GABRA2: variants seen among roughly 807,000 people sequenced by gnomAD.
GABRA2 encodes gamma-aminobutyric acid receptor subunit alpha-2.
A neutral mutation model predicts 48.7 loss-of-function variants in GABRA2; 16 were observed. The observed-to-expected ratio is 0.33, with a 90% CI of 0.22 to 0.50. GABRA2 has a LOEUF of 0.50. GABRA2 is among the 20% of genes least tolerant of loss of function. The probability of loss-of-function intolerance (pLI) is 0.98; values close to 1 mark genes in which losing one functional copy is unlikely to be tolerated. For synonymous variants in GABRA2, 185 were observed against 184.5 expected (o/e 1.00, Z -0.02); for missense variants, 275 against 535.6 (o/e 0.51, Z 4.80).
At chr4:46,318,127 T>G (rs905889686) in intron 4 of GABRA2, among the ~76,000 whole-genome samples, 3 of 151,284 alleles carry the variant, frequency 2.0e-5, no homozygotes, top group Non-Finnish European at 4.4e-5. Context: ...ACATAATCTA[T>G]TTAAGAAAAA....
At position 46,389,727 on chromosome 4, in the gene GABRA2, G is replaced by A; in HGVS notation, c.-11+8C>T. On this transcript the variant is annotated splice_region_variant and intron_variant, in intron 1 of 9. Transcript: ENST00000381620. The stretch of plus-strand genomic sequence containing the variant: ...TGTCTCTATCGGGACCAACGTGTGC[G>A]ACCCTACCTGAAACGGCAAGCAGAA... 1.0e-6 allele frequency: 1 copy of A among 982,598 alleles called. No individual in the cohort carries two copies. Among genetic ancestry groups the A allele is most frequent in the Non-Finnish European group, 1.2e-6 (1 of 829,426 alleles). The allele number at this position is 982,598 out of a possible 1,614,324, so 60.9% of individuals were successfully genotyped here.
chr4:46,316,575 T>G (rs1728591174), intron 4 of GABRA2, among the ~76,000 whole-genome samples: 1 of 152,022 alleles, frequency 6.6e-6, no homozygotes, highest in Non-Finnish European at 1.5e-5. Context: ...ATTGAAATCC[T>G]AAGTGGTGTG....
chr4:46,264,719 T>C (rs980392934), intron 8 of GABRA2, among the ~76,000 whole-genome samples: 9 of 151,978 alleles, frequency 5.9e-5, no homozygotes, highest in African/African-American at 2.2e-4. Context: ...CAGGAAATGT[T>C]TCCTTCTCAT....
chr4:46,312,296 C>A (rs1298754266), intron 5 of GABRA2, among the ~76,000 whole-genome samples, 200 bp downstream of exon 5: 2 of 151,994 alleles, frequency 1.3e-5, no homozygotes, highest in Non-Finnish European at 2.9e-5. Context: ...ATTTAAAGAA[C>A]TAAGATGAGA....
In GABRA2 at chr4:46,354,810, C is replaced by T. The variant is rs368913959; in HGVS notation, c.188-22128G>A. Among the ~76,000 whole-genome samples, 1,047 of 152,114 alleles carry T rather than the reference C, an allele frequency of 6.9e-3. 15 individuals carry two copies. The highest frequency in any genetic ancestry group is 0.024 in the African/African-American group (1,016 of 41,492). ...TTCATGAAGCAAGGAAATCCTTTAA[C>T]TTCCCTCACTTGTGGTGCCAGCGTA... is the stretch of plus-strand genomic sequence containing the variant. On this transcript the variant is annotated intron_variant, in intron 3 of 9. Coordinates refer to ENST00000381620, the MANE Select transcript of GABRA2 (RefSeq NM_000807.4).
At chr4:46,349,108 T>C (rs545170815) in intron 3 of GABRA2, among the ~76,000 whole-genome samples, 1 of 151,994 alleles carries the variant, frequency 6.6e-6, no homozygotes, top group Non-Finnish European at 1.5e-5. Flanking sequence ...TTAGTTAATG[T>C]ACATTTTTGA....
chr4:46,337,129 C>A (rs1199560005), intron 3 of GABRA2, among the ~76,000 whole-genome samples: 1 of 151,736 alleles, frequency 6.6e-6, no homozygotes, highest in Non-Finnish European at 1.5e-5. Flanking sequence ...TGTGAAAGAC[C>A]CACAACATAA....
Position 46,389,809 on chromosome 4 carries a change from GA to G in GABRA2, c.-86del, listed in dbSNP as rs1717993724. The G allele has an allele frequency of 1.7e-5, 7 of 419,006 alleles. No homozygotes were observed. Among genetic ancestry groups the G allele is most frequent in the Non-Finnish European group, 1.9e-5 (7 of 367,840 alleles). 26.0% of individuals were successfully genotyped at this position (419,006 alleles called of 1,614,324 possible). A position where few individuals can be genotyped will look rare whatever the true frequency, so the allele number is the denominator to read the frequency against. ...GACGAGATAGGAAACTTGGGAGAGA[GA>G]GAGAGAGAGAGAGAGAGAGAGAGAG... On this transcript the variant is annotated 5_prime_UTR_variant, in exon 1 of 10. Transcript: ENST00000381620.
intron 6 of GABRA2, among the ~76,000 whole-genome samples, chr4:46,309,632 C>T (rs1345416245): frequency 2.6e-5 from 4 of 151,848 alleles, no homozygotes; most frequent in African/African-American, 9.7e-5. Context: ...CTGCACAGAC[C>T]CTTTTCTGAA....
chr4:46,332,477 A>T (rs11503016), intron 4 of GABRA2, 138 bp downstream of exon 4: 58,610 of 558,216 alleles, frequency 0.1, 3,700 homozygotes, highest in South Asian at 0.19. Flanking sequence ...AACATCTTTA[A>T]CTATCCATGT....
intron 8 of GABRA2, among the ~76,000 whole-genome samples, chr4:46,297,399 C>G (rs1724920863): frequency 1.4e-5 from 2 of 146,418 alleles, no homozygotes; most frequent in Admixed American, 6.9e-5. Flanking sequence ...CAGACTGGCT[C>G]TCCTTGCTCC....
intron 9 of GABRA2, among the ~76,000 whole-genome samples, chr4:46,252,642 T>C (rs1297098524): frequency 4.0e-5 from 6 of 151,488 alleles, no homozygotes; most frequent in African/African-American, 1.5e-4. Context: ...GTTTGAGACA[T>C]GGAGTATGCT....
intron 4 of GABRA2, among the ~76,000 whole-genome samples, chr4:46,315,454 C>A (rs1728392107): frequency 6.6e-6 from 1 of 151,858 alleles, no homozygotes; most frequent in South Asian, 2.1e-4. Context: ...TAGTTTGAGT[C>A]TTTTTTCTCC....
chr4:46,323,942 A>G (rs1729888845), intron 4 of GABRA2, among the ~76,000 whole-genome samples: 1 of 151,972 alleles, frequency 6.6e-6, no homozygotes, highest in Non-Finnish European at 1.5e-5. Flanking sequence ...TGTTAAATAT[A>G]ATGACATGTT....
At chr4:46,284,771 C>T (rs1045997120) in intron 8 of GABRA2, among the ~76,000 whole-genome samples, 1 of 151,686 alleles carries the variant, frequency 6.6e-6, no homozygotes, top group African/African-American at 2.4e-5. Context: ...CATCTGTCTT[C>T]TAGAGCATAT....
chr4:46,344,127 G>A (rs778335756), intron 3 of GABRA2, among the ~76,000 whole-genome samples: 7 of 151,828 alleles, frequency 4.6e-5, no homozygotes, highest in Non-Finnish European at 1.0e-4. Flanking sequence ...AAATAAAAAA[G>A]GACGCAGTCC....
intron 3 of GABRA2, chr4:46,363,842 C>T (rs1320373635): frequency 6.6e-6 from 1 of 152,058 alleles, no homozygotes; most frequent in Non-Finnish European, 1.5e-5. Context: ...CAGTTAATAA[C>T]AACTTTGAGG....
At chr4:46,255,200 A>G (rs1283586630) in intron 9 of GABRA2, among the ~76,000 whole-genome samples, 1 of 151,688 alleles carries the variant, frequency 6.6e-6, no homozygotes, top group African/African-American at 2.4e-5. Flanking sequence ...GAGCAGGCTC[A>G]GAAACGTTTG....
intron 3 of GABRA2, among the ~76,000 whole-genome samples, chr4:46,339,198 G>A (rs1034686831): frequency 6.6e-6 from 1 of 151,406 alleles, no homozygotes; most frequent in African/African-American, 2.4e-5. Context: ...AGACACATGT[G>A]GCCATTTAAA....
Sources: allele counts gnomAD v4.1 joint callset (sites outside exome capture counted in the v4.1 genomes callset), GRCh38; gene constraint gnomAD v4.1.1; transcripts MANE v1.5; gene names NCBI Gene and HGNC (gene_info 2026-07-23, HGNC 2026-07-21).